RIMS2: variants seen among roughly 807,000 people sequenced by gnomAD.
RIMS2 encodes the protein regulating synaptic membrane exocytosis protein 2.
Under a neutral mutation model 174.4 loss-of-function variants are expected in RIMS2, and 59 were observed. The observed-to-expected ratio is 0.34, with a 90% CI of 0.27 to 0.42. RIMS2 has a LOEUF of 0.42. Among genes scored for constraint, RIMS2 ranks in the 10% least tolerant of loss-of-function variants. The pLI, the probability that RIMS2 is intolerant of heterozygous loss-of-function variation, is 1.00. For missense variants in RIMS2, 1,620 were observed against 1,666.3 expected, an observed-to-expected ratio of 0.97 and a Z score of 0.48; for synonymous variants, 606 against 572.5, an observed-to-expected ratio of 1.06 and a Z score of -0.84.
intron 1 of RIMS2, among the ~76,000 whole-genome samples, chr8:103,525,935 T>A (rs903215427): frequency 3.3e-5 from 5 of 152,170 alleles, no homozygotes; most frequent in African/African-American, 1.2e-4. Context: ...ATCAGAGAGC[T>A]AACACATCAA....
At chr8:104,241,907 G>A (rs1054086345) in intron 19 of RIMS2, among the ~76,000 whole-genome samples, 4 of 151,954 alleles carry the variant, frequency 2.6e-5, no homozygotes, top group Admixed American at 2.6e-4. Context: ...TTACAGGTAT[G>A]GGCCACCACG....
At chr8:103,554,982 A>G (rs1238720936) in intron 1 of RIMS2, among the ~76,000 whole-genome samples, 2 of 152,214 alleles carry the variant, frequency 1.3e-5, no homozygotes, top group Admixed American at 6.6e-5. Flanking sequence ...CTAAACGTTG[A>G]GTACACATGG....
intron 3 of RIMS2, among the ~76,000 whole-genome samples, chr8:103,815,459 T>C (rs1220863833): frequency 6.6e-6 from 1 of 152,196 alleles, no homozygotes; most frequent in Non-Finnish European, 1.5e-5. Context: ...GAACTCTTAT[T>C]ATCACTGTCA....
intron 19 of RIMS2, among the ~76,000 whole-genome samples, chr8:104,199,164 C>T (rs1442052025): frequency 6.6e-6 from 1 of 152,126 alleles, no homozygotes; most frequent in African/African-American, 2.4e-5. Flanking sequence ...AGGGTTCACA[C>T]CATTCTCCTG....
At chr8:104,116,413 C>CA (rs1258383950) in intron 19 of RIMS2, among the ~76,000 whole-genome samples, 1 of 151,862 alleles carries the variant, frequency 6.6e-6, no homozygotes, top group African/African-American at 2.4e-5. Context: ...TATCTTGCCC[C>CA]ATGTGGAAAT....
At chr8:103,587,501 G>T (rs2094015036) in intron 1 of RIMS2, among the ~76,000 whole-genome samples, 1 of 150,978 alleles carries the variant, frequency 6.6e-6, no homozygotes, top group Non-Finnish European at 1.5e-5. Context: ...ATGAATATTG[G>T]TACAAAAATC....
intron 1 of RIMS2, among the ~76,000 whole-genome samples, chr8:103,561,361 A>T (rs1001231588): frequency 6.6e-6 from 1 of 152,340 alleles, no homozygotes; most frequent in Non-Finnish European, 1.5e-5. Flanking sequence ...AAATCCAGGC[A>T]TATGAAAGAA....
intron 19 of RIMS2, among the ~76,000 whole-genome samples, chr8:104,172,111 G>C (rs962146466): frequency 1.5e-4 from 23 of 152,264 alleles, no homozygotes; most frequent in African/African-American, 5.5e-4. Flanking sequence ...TTACTGAGTT[G>C]ATGATTCAGG....
intron 3 of RIMS2, among the ~76,000 whole-genome samples, chr8:103,861,491 A>T (rs1177254153): frequency 6.6e-6 from 1 of 152,082 alleles, no homozygotes; most frequent in Non-Finnish European, 1.5e-5. Context: ...GTCTGGGTAG[A>T]CACCCAGTAG....
intron 15 of RIMS2, among the ~76,000 whole-genome samples, chr8:103,969,449 A>G (rs2092591491): frequency 6.6e-6 from 1 of 152,056 alleles, no homozygotes; most frequent in Non-Finnish European, 1.5e-5. Context: ...TGAAGTTCAG[A>G]GATTCTTTTC....
At chr8:104,096,259 T>C (rs2097760513) in intron 19 of RIMS2, among the ~76,000 whole-genome samples, 1 of 152,158 alleles carries the variant, frequency 6.6e-6, no homozygotes, top group Admixed American at 6.5e-5. Flanking sequence ...CATGAGCCCA[T>C]TGGTGTTTGC....
At chr8:104,018,026 G>A (rs2095974916) in intron 19 of RIMS2, among the ~76,000 whole-genome samples, 1 of 152,020 alleles carries the variant, frequency 6.6e-6, no homozygotes, top group African/African-American at 2.4e-5. Flanking sequence ...AGTGAGCCGT[G>A]ATTGTGCCAC....
chr8:103,569,119 G>A (rs1179262882), intron 1 of RIMS2: 5 of 286,012 alleles, frequency 1.7e-5, no homozygotes, highest in Admixed American at 4.9e-5. Context: ...CCTAACCCAA[G>A]GTCATGAAAA....
Position 103,620,358 on chromosome 8 carries a change from A to G in RIMS2, c.177-76728A>G, listed in dbSNP as rs760700978. On this transcript the variant is annotated intron_variant, in intron 1 of 23. Transcript: ENST00000504942. ...ACAATAAACTCATAATGAAAACTCA[A>G]CACCAAATTACTTTTAATTCTTGTT... Among the ~76,000 whole-genome samples, 38 of 152,214 alleles carry G rather than the reference A, an allele frequency of 2.5e-4. 1 individual carries two copies. In the East Asian group the frequency reaches 2.5e-3, roughly 10 times the overall value.
chr8:103,729,207 G>A (rs568951760), intron 2 of RIMS2, among the ~76,000 whole-genome samples: 39 of 152,130 alleles, frequency 2.6e-4, no homozygotes, highest in Non-Finnish European at 4.7e-4. Context: ...TGGATCCTGG[G>A]CTTTTCTTTG....
chr8:103,986,732 G>C (rs554132591), intron 16 of RIMS2, among the ~76,000 whole-genome samples: 50 of 151,928 alleles, frequency 3.3e-4, no homozygotes, highest in African/African-American at 1.1e-3. Flanking sequence ...AATTAACCAG[G>C]CGTGGTGAAA....
At chr8:104,230,431 A>T (rs1021487461) in intron 19 of RIMS2, among the ~76,000 whole-genome samples, 2 of 152,128 alleles carry the variant, frequency 1.3e-5, no homozygotes, top group Admixed American at 1.3e-4. Context: ...GGATCGCCTG[A>T]GGTCAGGAAT....
intron 1 of RIMS2, among the ~76,000 whole-genome samples, chr8:103,531,924 C>T (rs1225637765): frequency 1.3e-5 from 2 of 151,860 alleles, no homozygotes; most frequent in South Asian, 4.2e-4. Context: ...TACATAATGA[C>T]AAGAAAAATA....
chr8:104,218,237 G>C (rs897080130), intron 19 of RIMS2, among the ~76,000 whole-genome samples: 1 of 152,192 alleles, frequency 6.6e-6, no homozygotes. Flanking sequence ...AAATAGTGAT[G>C]GAAGTAGGCA....
Sources: allele counts gnomAD v4.1 joint callset (sites outside exome capture counted in the v4.1 genomes callset), GRCh38; gene constraint gnomAD v4.1.1; transcripts MANE v1.5; gene names NCBI Gene and HGNC (gene_info 2026-07-23, HGNC 2026-07-21).